HAUS6: variants seen among roughly 807,000 people sequenced by gnomAD.
HAUS6 encodes the protein HAUS augmin-like complex subunit 6.
In HAUS6, 80 loss-of-function variants were observed where a neutral mutation model predicts 106.8. The observed-to-expected ratio is 0.75, with a 90% CI of 0.63 to 0.90. The LOEUF is 0.90. Among genes scored for constraint, HAUS6 ranks in the 40% least tolerant of loss-of-function variants. The pLI is 0.00. For synonymous variants in HAUS6, 356 were observed against 379.1 expected, an observed-to-expected ratio of 0.94 and a Z score of 0.71; for missense variants, 1,155 against 1,118.1, an observed-to-expected ratio of 1.03 and a Z score of -0.47.
At chr9:19,059,085 G>T (rs753561992) in intron 15 of HAUS6, 84 bp from the exon 16 acceptor site, 29 of 740,334 alleles carry the variant, frequency 3.9e-5, no homozygotes, top group Non-Finnish European at 5.6e-5. Flanking sequence ...TAACACTGAA[G>T]ATAAAGCTCC....
chr9:19,085,801 A>C (rs1837276545), intron 7 of HAUS6, among the ~76,000 whole-genome samples: 1 of 152,116 alleles, frequency 6.6e-6, no homozygotes, highest in Non-Finnish European at 1.5e-5. Context: ...AGATAAATTA[A>C]TACCACTGAC....
Position 19,059,279 on chromosome 9 carries a change from C to T in HAUS6, c.1766-278G>A, listed in dbSNP as rs543639390. Among the ~76,000 whole-genome samples the T allele has an allele frequency of 3.9e-5, 6 of 152,284 alleles. No homozygotes were observed. The East Asian group carries it at 1.2e-3, about 29-fold the overall frequency. Reference sequence around the variant, plus strand: ...TATGAATTACATGTATTAAAAAGACCTTTTCTTGTCCATCTAAGCCACAGT... The same window carrying T: ...TATGAATTACATGTATTAAAAAGACTTTTTCTTGTCCATCTAAGCCACAGT... On this transcript the variant is annotated intron_variant, in intron 15 of 16. Coordinates refer to ENST00000380502, the MANE Select transcript of HAUS6 (RefSeq NM_017645.5).
intron 12 of HAUS6, among the ~76,000 whole-genome samples, chr9:19,068,987 A>AT (rs951527820): frequency 1.6e-4 from 24 of 151,544 alleles, no homozygotes; most frequent in African/African-American, 5.6e-4. Flanking sequence ...AAGTTGTCCA[A>AT]TTTTTTTTTA....
chr9:19,079,133 C>A (rs1837076984), intron 9 of HAUS6, among the ~76,000 whole-genome samples: 1 of 140,078 alleles, frequency 7.1e-6, no homozygotes, highest in Non-Finnish European at 1.5e-5. Context: ...TATTGTGCTC[C>A]AGCCTAGGCA....
chr9:19,101,286 C>T (rs1391488564), intron 1 of HAUS6, among the ~76,000 whole-genome samples: 1 of 152,110 alleles, frequency 6.6e-6, no homozygotes, highest in Non-Finnish European at 1.5e-5. Context: ...TTGGAGTGGC[C>T]AAGGCGGGGG....
chr9:19,075,162 A>G (rs1243162921), intron 11 of HAUS6, among the ~76,000 whole-genome samples: 2 of 152,248 alleles, frequency 1.3e-5, no homozygotes. Flanking sequence ...ATATGATTCC[A>G]TCCATATGAA....
chr9:19,089,857 G>C (rs993645252), intron 4 of HAUS6, among the ~76,000 whole-genome samples: 2 of 152,046 alleles, frequency 1.3e-5, no homozygotes, highest in African/African-American at 4.8e-5. Context: ...TTTTGAGACA[G>C]GGTCTCACTC....
intron 12 of HAUS6, among the ~76,000 whole-genome samples, chr9:19,069,839 T>C (rs1836850133): frequency 6.6e-6 from 1 of 152,182 alleles, no homozygotes; most frequent in South Asian, 2.1e-4. Context: ...GTTATGACCA[T>C]AATCCCAGCA....
chr9:19,072,985 T>TA (rs1293323905), intron 11 of HAUS6, among the ~76,000 whole-genome samples: 6 of 152,048 alleles, frequency 3.9e-5, no homozygotes, highest in African/African-American at 1.4e-4. Context: ...TGGAAGATAA[T>TA]AAAAAATTTT....
intron 3 of HAUS6, 99 bp from the exon 4 acceptor site, chr9:19,093,402 A>G (rs1439145777): frequency 5.7e-6 from 6 of 1,061,064 alleles, no homozygotes; most frequent in East Asian, 2.5e-5. Context: ...CAGTCTTGCA[A>G]TAGAAGTCCC....
intron 8 of HAUS6, among the ~76,000 whole-genome samples, chr9:19,081,677 G>C (rs1837154438): frequency 6.6e-6 from 1 of 152,056 alleles, no homozygotes; most frequent in Non-Finnish European, 1.5e-5. Context: ...GACCGCAAGT[G>C]ATCTACCCTC....
intron 2 of HAUS6, among the ~76,000 whole-genome samples, chr9:19,095,979 A>T (rs1251370460): frequency 1.3e-5 from 2 of 152,144 alleles, no homozygotes; most frequent in African/African-American, 4.8e-5. Flanking sequence ...TGCCTATAGG[A>T]AAAGTAGTAA....
rs1237142339 is a variant in HAUS6 at position 19,058,265 on chromosome 9, G to T, written c.2502C>A (p.Arg834=). The T allele has an allele frequency of 6.2e-7, 1 of 1,613,714 alleles. No homozygotes were observed. The highest frequency in any genetic ancestry group is 1.7e-5 in the Admixed American group (1 of 59,988). The change falls in exon 16 of 17, where the codon CGC becomes CGA. Residue 834 remains arginine (R), a synonymous_variant. Transcript: ENST00000380502. Reference sequence around the variant, plus strand: ...ATTTCTTCAGAGCCTCGTATCTACTGCGAAGAGCCTGTAAATTAAAGTCTG... The same window carrying T: ...ATTTCTTCAGAGCCTCGTATCTACTTCGAAGAGCCTGTAAATTAAAGTCTG... ...PESDFNLQAL[R]SRYEALKKSL... is the part of the protein sequence containing the mutation.
chr9:19,071,083 C>CA (rs1836872943), intron 11 of HAUS6, among the ~76,000 whole-genome samples: 2 of 152,148 alleles, frequency 1.3e-5, no homozygotes, highest in South Asian at 4.1e-4. Context: ...AGGCTTTCCC[C>CA]ATTTGTACAT....
intron 6 of HAUS6, 102 bp from the exon 7 acceptor site, chr9:19,086,884 C>A (rs1343016047): frequency 6.2e-6 from 4 of 642,780 alleles, no homozygotes; most frequent in Non-Finnish European, 1.1e-5. Context: ...CAACAACCAC[C>A]CCAACAAAAA....
At chr9:19,065,630 C>G (rs1836746198) in intron 12 of HAUS6, among the ~76,000 whole-genome samples, 1 of 152,130 alleles carries the variant, frequency 6.6e-6, no homozygotes, top group Non-Finnish European at 1.5e-5. Flanking sequence ...CACCTGAGGT[C>G]AGGAGTTGAA....
intron 1 of HAUS6, among the ~76,000 whole-genome samples, chr9:19,100,749 T>C (rs915527444): frequency 1.3e-5 from 2 of 152,212 alleles, no homozygotes; most frequent in African/African-American, 2.4e-5. Context: ...TGGAATATTA[T>C]TCAGCCACAC....
intron 12 of HAUS6, among the ~76,000 whole-genome samples, chr9:19,069,732 C>A (rs1410137613): frequency 1.3e-5 from 2 of 151,856 alleles, no homozygotes; most frequent in African/African-American, 4.8e-5. Context: ...TATGCACTAT[C>A]CCAGAGTAAA....
At chr9:19,070,578 A>T (rs185084843) in intron 11 of HAUS6, among the ~76,000 whole-genome samples, 3 of 152,322 alleles carry the variant, frequency 2.0e-5, no homozygotes, top group Non-Finnish European at 4.4e-5. Flanking sequence ...TATATGCTTC[A>T]TGTTTACATA....
Sources: gnomAD v4.1 joint callset for allele counts (sites outside exome capture counted in the v4.1 genomes callset) on GRCh38, gnomAD v4.1.1 for gene constraint, MANE v1.5 for transcripts, NCBI Gene and HGNC (gene_info 2026-07-23, HGNC 2026-07-21) for gene names.